Variants in FGF1 observed in about 807,000 individuals in gnomAD.
FGF1 encodes the protein fibroblast growth factor 1.
Under a neutral mutation model 13.4 loss-of-function variants are expected in FGF1, and 9 were observed. That is an observed-to-expected ratio of 0.67 (90% CI 0.40 to 1.17). The LOEUF is 1.17. Ranked by LOEUF, FGF1 falls within the 50% of genes most tolerant of loss-of-function variation. The pLI is 0.01. For missense variants in FGF1, 156 were observed against 192.7 expected (o/e 0.81, Z 1.13); for synonymous variants, 93 against 79.0 (o/e 1.18, Z -0.94).
At chr5:142,672,555 A>G (rs751713310) in intron 1 of FGF1, among the ~76,000 whole-genome samples, 65 of 138,722 alleles carry the variant, frequency 4.7e-4, no homozygotes, top group Admixed American at 1.3e-3. Context: ...CCCAGGCTGG[A>G]ATGCAATGGT....
In FGF1 at chr5:142,593,847, T is replaced by C. The variant is rs929434421; in HGVS notation, c.*1443A>G. ...GCCTTTACATGGCATCAGTATCATATGTTAGAGATGAATGGTGTTTCTAAT... is the reference window on the plus strand; with the variant it reads ...GCCTTTACATGGCATCAGTATCATACGTTAGAGATGAATGGTGTTTCTAAT... On this transcript the variant is annotated 3_prime_UTR_variant, in exon 4 of 4. Transcript: ENST00000337706. 2.6e-5 allele frequency: 4 copies of C among 152,624 alleles called. No homozygotes were observed. The highest frequency in any genetic ancestry group is 9.6e-5 in the African/African-American group (4 of 41,452). 9.5% of individuals were successfully genotyped at this position (152,624 alleles called of 1,614,324 possible). A position where few individuals can be genotyped will look rare whatever the true frequency, so the allele number is the denominator to read the frequency against.
At chr5:142,675,517 G>A (rs1229716869) in intron 1 of FGF1, among the ~76,000 whole-genome samples, 1 of 152,164 alleles carries the variant, frequency 6.6e-6, no homozygotes, top group Admixed American at 6.5e-5. Context: ...CATATCCACA[G>A]CTATGAGGCA....
At position 142,593,738 on chromosome 5, in the gene FGF1, T is replaced by C. The variant is rs1754708846; in HGVS notation, c.*1552A>G. 3 of 152,684 alleles carry C rather than the reference T, an allele frequency of 2.0e-5. No individual in the cohort carries two copies. 9.5% of individuals were successfully genotyped at this position (152,684 alleles called of 1,614,324 possible). A position where few individuals can be genotyped will look rare whatever the true frequency, so the allele number is the denominator to read the frequency against. ...ATCATTCTCAGTGCCTGAATACTAA[T>C]CAGTTTAACTGCTTTCAAGCTATAT... On this transcript the variant is annotated 3_prime_UTR_variant, in exon 4 of 4. Coordinates refer to ENST00000337706, the MANE Select transcript of FGF1 (RefSeq NM_000800.5).
intron 1 of FGF1, among the ~76,000 whole-genome samples, chr5:142,658,824 A>G (rs1204883090): frequency 6.6e-6 from 1 of 152,150 alleles, no homozygotes; most frequent in Non-Finnish European, 1.5e-5. Context: ...ACCTGTGTGC[A>G]TGGTGCTCTG....
chr5:142,685,246 A>T (rs140016661), intron 1 of FGF1, among the ~76,000 whole-genome samples: 6 of 152,300 alleles, frequency 3.9e-5, no homozygotes, highest in Non-Finnish European at 8.8e-5. Flanking sequence ...TGAAACGAGG[A>T]TGTGATATTC....
At position 142,592,603 on chromosome 5, in the gene FGF1, T is replaced by C; in HGVS notation, c.*2687A>G. The C allele has an allele frequency of 5.0e-6, 2 of 396,180 alleles. No homozygotes were observed. The highest frequency in any genetic ancestry group is 3.6e-5 in the East Asian group (1 of 28,018). The allele number at this position is 396,180 out of a possible 1,614,324, so 24.5% of individuals were successfully genotyped here. ...CTATGAGACTTACTTAAGACAGCAA[T>C]GGGAATGTCCCCAGGTTAATAAACT... is the stretch of plus-strand genomic sequence containing the variant. On this transcript the variant is annotated 3_prime_UTR_variant, in exon 4 of 4. Coordinates refer to ENST00000337706, the MANE Select transcript of FGF1 (RefSeq NM_000800.5).
chr5:142,624,786 G>A (rs1762197651), intron 1 of FGF1, among the ~76,000 whole-genome samples: 1 of 152,188 alleles, frequency 6.6e-6, no homozygotes, highest in Non-Finnish European at 1.5e-5. Flanking sequence ...GAAAAAGAAA[G>A]ACCTGAGATC....
chr5:142,625,337 C>G (rs2151910709), intron 1 of FGF1, among the ~76,000 whole-genome samples: 1 of 152,034 alleles, frequency 6.6e-6, no homozygotes, highest in South Asian at 2.1e-4. Context: ...CACACACACA[C>G]ACACACACAC....
upstream of FGF1, among the ~76,000 whole-genome samples, chr5:142,687,275 T>C (rs1751405945): frequency 6.6e-6 from 1 of 152,138 alleles, no homozygotes; most frequent in South Asian, 2.1e-4. Flanking sequence ...GTAGAGAGGA[T>C]GGAGTTGCAG....
chr5:142,693,547 T>C (rs1228268285), intron 2 of FGF1, among the ~76,000 whole-genome samples: 5 of 152,324 alleles, frequency 3.3e-5, no homozygotes, highest in Middle Eastern at 3.4e-3. Flanking sequence ...ATACTTCACA[T>C]ACTCTGAAGT....
chr5:142,675,961 T>C (rs1772513303), intron 1 of FGF1, among the ~76,000 whole-genome samples: 1 of 152,220 alleles, frequency 6.6e-6, no homozygotes, highest in Non-Finnish European at 1.5e-5. Context: ...TCAACTCTTC[T>C]TTAATCATTT....
chr5:142,620,540 A>T (rs1314142813), intron 1 of FGF1, among the ~76,000 whole-genome samples: 1 of 152,238 alleles, frequency 6.6e-6, no homozygotes, highest in Non-Finnish European at 1.5e-5. Context: ...CAACAGAAAG[A>T]TATACAAATT....
intron 1 of FGF1, among the ~76,000 whole-genome samples, chr5:142,638,700 A>G (rs1297523013): frequency 6.6e-6 from 1 of 152,086 alleles, no homozygotes; most frequent in African/African-American, 2.4e-5. Context: ...GCATCAAACT[A>G]AAACGTTTCT....
At chr5:142,641,538 A>G (rs1765199353) in intron 1 of FGF1, among the ~76,000 whole-genome samples, 1 of 152,114 alleles carries the variant, frequency 6.6e-6, no homozygotes, top group African/African-American at 2.4e-5. Flanking sequence ...ATCAATAATG[A>G]AAATGAAAAA....
intron 2 of FGF1, among the ~76,000 whole-genome samples, chr5:142,612,373 AG>A (rs1237498134): frequency 1.3e-5 from 2 of 152,198 alleles, no homozygotes; most frequent in African/African-American, 4.8e-5. Flanking sequence ...CTTAACCCCA[AG>A]GAACATATCA....
chr5:142,601,373 G>A (rs1756520947), intron 2 of FGF1, among the ~76,000 whole-genome samples: 1 of 152,146 alleles, frequency 6.6e-6, no homozygotes, highest in South Asian at 2.1e-4. Context: ...CAGGGAGTTA[G>A]GACTGGTTGC....
At chr5:142,629,934 G>T (rs1763096768) in intron 1 of FGF1, among the ~76,000 whole-genome samples, 1 of 140,956 alleles carries the variant, frequency 7.1e-6, no homozygotes. Flanking sequence ...CGCTCTGTTG[G>T]CCAGGCTGGA....
chr5:142,611,948 C>T (rs1194546139), intron 2 of FGF1, among the ~76,000 whole-genome samples: 1 of 152,144 alleles, frequency 6.6e-6, no homozygotes, highest in African/African-American at 2.4e-5. Context: ...CTGTGCTGTT[C>T]CTCTGTGCCA....
intron 1 of FGF1, among the ~76,000 whole-genome samples, chr5:142,671,579 A>G (rs1771466585): frequency 6.6e-6 from 1 of 152,358 alleles, no homozygotes; most frequent in Middle Eastern, 3.4e-3. Context: ...TGTCTTTAAC[A>G]CTTAAGACTT....
Sources: gnomAD v4.1 joint callset for allele counts (sites outside exome capture counted in the v4.1 genomes callset) on GRCh38, gnomAD v4.1.1 for gene constraint, MANE v1.5 for transcripts, NCBI Gene and HGNC (gene_info 2026-07-23, HGNC 2026-07-21) for gene names.